The following FMN1 variants were observed in gnomAD, a reference collection of about 807,000 sequenced individuals.
FMN1 encodes formin-1.
A neutral mutation model predicts 132.4 loss-of-function variants in FMN1; 110 were observed. The ratio of observed to expected loss-of-function variants is 0.83; its 90% CI spans 0.71 to 0.97. The LOEUF (loss-of-function observed/expected upper bound fraction) is 0.97, where lower values mean the gene tolerates loss of function less well. Among genes scored for constraint, FMN1 ranks in the 50% least tolerant of loss-of-function variants. FMN1 has a pLI of 0.00. For synonymous variants in FMN1, 722 were observed against 651.7 expected, an observed-to-expected ratio of 1.11 and a Z score of -1.64; for missense variants, 1,792 against 1,705.3, an observed-to-expected ratio of 1.05 and a Z score of -0.90.
chr15:33,188,097 G>A (rs971446022), intron 2 of FMN1, among the ~76,000 whole-genome samples: 2 of 152,114 alleles, frequency 1.3e-5, no homozygotes, highest in African/African-American at 4.8e-5. Context: ...CACTTTGGGA[G>A]GCCGAGGCGG....
At chr15:32,975,431 C>CA (rs2032125578) in intron 7 of FMN1, among the ~76,000 whole-genome samples, 2 of 152,120 alleles carry the variant, frequency 1.3e-5, no homozygotes, top group East Asian at 3.9e-4. Flanking sequence ...AGTGAAACTC[C>CA]AAAAAAATTT....
intron 6 of FMN1, among the ~76,000 whole-genome samples, chr15:33,027,511 G>A (rs2035736422): frequency 6.6e-6 from 1 of 152,182 alleles, no homozygotes; most frequent in African/African-American, 2.4e-5. Context: ...CACACAGGTG[G>A]AAACAGAGCC....
intron 6 of FMN1, among the ~76,000 whole-genome samples, chr15:33,056,702 G>A (rs2037232629): frequency 1.3e-5 from 2 of 152,182 alleles, no homozygotes; most frequent in South Asian, 4.1e-4. Context: ...AACAACATCA[G>A]TGTCCACCAG....
At chr15:33,074,081 G>T (rs8024232) in intron 5 of FMN1, among the ~76,000 whole-genome samples, 91,731 of 151,910 alleles carry the variant, frequency 0.6, 28,307 homozygotes, top group East Asian at 0.82. Context: ...CAAGGGAAGC[G>T]GAACAACTGG....
chr15:33,128,436 A>C lies in FMN1; in HGVS notation c.1867+24612T>G, dbSNP rs16965365. On this transcript the variant is annotated intron_variant, in intron 4 of 20. Transcript: ENST00000616417. Reference sequence around the variant, plus strand: ...ACAAAATCATTCTTTCTACCTCCTAAAAGAATTTTTATTCCTATGACATTG... The same window carrying C: ...ACAAAATCATTCTTTCTACCTCCTACAAGAATTTTTATTCCTATGACATTG... Among the ~76,000 whole-genome samples the C allele has an allele frequency of 9.3e-3, 1,422 of 152,254 alleles. 21 individuals carry two copies. Among genetic ancestry groups the C allele is most frequent in the African/African-American group, 0.033 (1,366 of 41,536 alleles).
chr15:32,854,070 GTTA>G, intron 17 of FMN1, among the ~76,000 whole-genome samples: 1 of 152,168 alleles, frequency 6.6e-6, no homozygotes, highest in East Asian at 1.9e-4. Context: ...ATTTTGTCAG[GTTA>G]TTAACATATT....
intron 6 of FMN1, among the ~76,000 whole-genome samples, chr15:33,058,899 T>C (rs1055783243): frequency 1.3e-5 from 2 of 152,212 alleles, no homozygotes; most frequent in Non-Finnish European, 2.9e-5. Context: ...TTTGTTATGG[T>C]GAGACATTTG....
chr15:32,924,046 CT>C (rs1246487938), intron 10 of FMN1, among the ~76,000 whole-genome samples: 1 of 152,194 alleles, frequency 6.6e-6, no homozygotes, highest in Non-Finnish European at 1.5e-5. Context: ...ATAAACTCCC[CT>C]GAAAACATTT....
intron 19 of FMN1, among the ~76,000 whole-genome samples, chr15:32,788,440 C>G (rs978425769): frequency 2.6e-5 from 4 of 152,214 alleles, no homozygotes; most frequent in Non-Finnish European, 5.9e-5. Flanking sequence ...CAAGCTCCCC[C>G]TTTTGGTTTT....
chr15:32,996,688 A>G (rs1297076484), intron 7 of FMN1, among the ~76,000 whole-genome samples: 1 of 152,230 alleles, frequency 6.6e-6, no homozygotes, highest in Non-Finnish European at 1.5e-5. Context: ...GCTACAACAA[A>G]TTGCAGTGAA....
In FMN1 at chr15:33,082,855, A is replaced by AT. The variant is rs565612657; in HGVS notation, c.2043+5943_2043+5944insA. ...AGAGTTAGTTAATAAAATATAGGATACCCAGTTAAATATGAATTTTAGATT... is the reference window on the plus strand; with the variant it reads ...AGAGTTAGTTAATAAAATATAGGATATCCCAGTTAAATATGAATTTTAGATT... On this transcript the variant is annotated intron_variant, in intron 5 of 20. Coordinates refer to ENST00000616417, the MANE Select transcript of FMN1 (RefSeq NM_001277313.2). Among the ~76,000 whole-genome samples the AT allele has an allele frequency of 2.8e-3, 421 of 152,140 alleles. 1 individual carries two copies. Among genetic ancestry groups the AT allele is most frequent in the African/African-American group, 9.8e-3 (407 of 41,452 alleles).
chr15:32,893,649 A>G (rs541238652), intron 15 of FMN1, among the ~76,000 whole-genome samples: 2 of 152,256 alleles, frequency 1.3e-5, no homozygotes, highest in African/African-American at 2.4e-5. Context: ...CAGTTTCATA[A>G]ATCACATAAT....
chr15:32,859,666 G>A (rs2059218064), intron 16 of FMN1, among the ~76,000 whole-genome samples: 1 of 152,206 alleles, frequency 6.6e-6, no homozygotes, highest in Admixed American at 6.5e-5. Context: ...TAATCCCTGA[G>A]AAGTCATCAT....
intron 17 of FMN1, among the ~76,000 whole-genome samples, chr15:32,831,457 G>A (rs2058499370): frequency 6.6e-6 from 1 of 152,154 alleles, no homozygotes; most frequent in African/African-American, 2.4e-5. Flanking sequence ...CAGTTTTGAA[G>A]GGTATTTGCT....
At chr15:32,964,321 A>C (rs2030970584) in intron 8 of FMN1, 64 bp from the exon 9 acceptor site, 1 of 1,120,002 alleles carries the variant, frequency 8.9e-7, no homozygotes, top group Non-Finnish European at 1.3e-6. Context: ...AATACAATGA[A>C]ATCTTTCTCT....
chr15:33,144,924 G>T (rs1964157123), intron 4 of FMN1, among the ~76,000 whole-genome samples: 1 of 152,088 alleles, frequency 6.6e-6, no homozygotes, highest in African/African-American at 2.4e-5. Context: ...ATTTTAAAAA[G>T]TGCTTTATGA....
rs141133261 is a variant in FMN1, at chr15:32,883,312, T to A, written c.3835+4860A>T. 1.9e-4 allele frequency among the ~76,000 whole-genome samples: 29 copies of A among 152,046 alleles called. No individual in the cohort carries two copies. The East Asian group carries it at 4.6e-3, about 24-fold the overall frequency. On this transcript the variant is annotated intron_variant, in intron 16 of 20. Coordinates refer to ENST00000616417, the MANE Select transcript of FMN1 (RefSeq NM_001277313.2). ...GAGCCCAGGAAATTTGAGACTAGCC[T>A]AGGCAACACAGTGAGACCCTGTCTG...
At chr15:32,984,095 A>G (rs185764167) in intron 7 of FMN1, among the ~76,000 whole-genome samples, 29 of 152,124 alleles carry the variant, frequency 1.9e-4, no homozygotes, top group Admixed American at 1.7e-3. Context: ...GATTTTTTTC[A>G]TATTTCATCC....
At chr15:32,894,485 A>AT (rs1407852893) in intron 15 of FMN1, among the ~76,000 whole-genome samples, 3 of 147,936 alleles carry the variant, frequency 2.0e-5, no homozygotes, top group South Asian at 2.1e-4. Flanking sequence ...CTCCATCTCA[A>AT]TTAAAAAAAA....
Sources: allele counts gnomAD v4.1 joint callset (sites outside exome capture counted in the v4.1 genomes callset), GRCh38; gene constraint gnomAD v4.1.1; transcripts MANE v1.5; gene names NCBI Gene and HGNC (gene_info 2026-07-23, HGNC 2026-07-21).